Variants in FAXC observed in about 807,000 individuals in gnomAD.
FAXC encodes the protein failed axon connections homolog.
In FAXC, 10 loss-of-function variants were observed where a neutral mutation model predicts 41.9. That is an observed-to-expected ratio of 0.24 (90% CI 0.15 to 0.41). FAXC has a LOEUF of 0.41. Ranked by LOEUF, FAXC falls within the 10% of genes least tolerant of loss-of-function variation. FAXC has a pLI of 1.00. For missense variants in FAXC, 399 were observed against 510.9 expected (o/e 0.78, Z 2.11); for synonymous variants, 183 against 183.8 (o/e 1.00, Z 0.03).
At chr6:99,316,575 A>G (rs984442566) in intron 4 of FAXC, among the ~76,000 whole-genome samples, 1 of 152,086 alleles carries the variant, frequency 6.6e-6, no homozygotes, top group Non-Finnish European at 1.5e-5. Context: ...CCCTCAACAC[A>G]TGCCTGTCTC....
chr6:99,283,915 T>A (rs1488430897), intron 5 of FAXC, among the ~76,000 whole-genome samples: 1 of 152,244 alleles, frequency 6.6e-6, no homozygotes, highest in Admixed American at 6.5e-5. Flanking sequence ...ACAGGATCTA[T>A]GAATATCACT....
chr6:99,340,227 G>T (rs1773371453), intron 2 of FAXC, among the ~76,000 whole-genome samples: 2 of 151,956 alleles, frequency 1.3e-5, no homozygotes, highest in African/African-American at 4.8e-5. Flanking sequence ...AGCCTCCCGA[G>T]TAGCTGGGAT....
rs568572044 is a variant in FAXC at position 99,309,308 on chromosome 6, T to C, written c.823+14136A>G. Among the ~76,000 whole-genome samples, 8 of 152,142 alleles carry C rather than the reference T, an allele frequency of 5.3e-5. No homozygotes were observed. In the East Asian group the frequency reaches 1.4e-3, roughly 26 times the overall value. ...TTCTCAGAGGAAGAAAAAGCTAAAATATACCCAGGATAAAGACCCAGAAAT... is the reference window on the plus strand; with the variant it reads ...TTCTCAGAGGAAGAAAAAGCTAAAACATACCCAGGATAAAGACCCAGAAAT... On this transcript the variant is annotated intron_variant, in intron 4 of 5. Transcript: ENST00000389677.
Position 99,272,029 on chromosome 6 carries a change from A to C in FAXC, c.*9135T>G, listed in dbSNP as rs915734020. 6.6e-6 allele frequency: 1 copy of C among 152,138 alleles called. No homozygotes were observed. Among genetic ancestry groups the C allele is most frequent in the African/African-American group, 2.4e-5 (1 of 41,416 alleles). The allele number at this position is 152,138 out of a possible 1,614,324, so 9.4% of individuals were successfully genotyped here. On this transcript the variant is annotated 3_prime_UTR_variant, in exon 6 of 6. Transcript: ENST00000389677. ...GTGAATCTCTGACCCTAAAGACTTG[A>C]GCATATCATGGCCATATTACCATAT... is the stretch of plus-strand genomic sequence containing the variant.
intron 3 of FAXC, among the ~76,000 whole-genome samples, chr6:99,330,645 T>G (rs561392474): frequency 1.3e-5 from 2 of 152,326 alleles, no homozygotes; most frequent in South Asian, 4.1e-4. Context: ...CATAAACATA[T>G]GAAAACTCCA....
At chr6:99,303,956 T>C (rs1444402879) in intron 4 of FAXC, among the ~76,000 whole-genome samples, 2 of 152,198 alleles carry the variant, frequency 1.3e-5, no homozygotes, top group Non-Finnish European at 2.9e-5. Flanking sequence ...TGAGCTTTTA[T>C]TAAGAAAGGT....
At chr6:99,286,945 C>A (rs534129491) in intron 5 of FAXC, among the ~76,000 whole-genome samples, 1 of 152,238 alleles carries the variant, frequency 6.6e-6, no homozygotes, top group Non-Finnish European at 1.5e-5. Context: ...TTCTAGAAAG[C>A]AATTTAGCCA....
Position 99,291,043 on chromosome 6 carries a change from T to C in FAXC, c.940+661A>G, listed in dbSNP as rs143661282. On this transcript the variant is annotated intron_variant, in intron 5 of 5. Transcript: ENST00000389677. ...GCCAGGCTGGTCTCGAACTCCTGAC[T>C]TTGTGATCCACCCGCCTTGGCCTCC... is the stretch of plus-strand genomic sequence containing the variant. Among the ~76,000 whole-genome samples, 75 of 152,154 alleles carry C rather than the reference T, an allele frequency of 4.9e-4. No homozygotes were observed. The East Asian group carries it at 0.013, about 27-fold the overall frequency.
chr6:99,336,752 G>A (rs563476050), intron 2 of FAXC, among the ~76,000 whole-genome samples: 3 of 152,198 alleles, frequency 2.0e-5, no homozygotes, highest in African/African-American at 7.2e-5. Flanking sequence ...TGTAGAGTGG[G>A]GATAATAACA....
rs73497700 is a variant in FAXC, at chr6:99,339,636, A to G, written c.402+3262T>C. The stretch of plus-strand genomic sequence containing the variant: ...ATACAAACTGAAAGAAAACATTAAG[A>G]AGAAAAATACAAAAGTTGGAATAAG... On this transcript the variant is annotated intron_variant, in intron 2 of 5. Transcript: ENST00000389677. 8.0e-3 allele frequency among the ~76,000 whole-genome samples: 1,211 copies of G among 152,316 alleles called. 17 individuals carry two copies. Among genetic ancestry groups the G allele is most frequent in the African/African-American group, 0.027 (1,113 of 41,556 alleles).
chr6:99,348,146 T>C (rs1173003133), intron 1 of FAXC, among the ~76,000 whole-genome samples: 1 of 152,182 alleles, frequency 6.6e-6, no homozygotes, highest in Non-Finnish European at 1.5e-5. Flanking sequence ...ATTCCTCCAC[T>C]GGAATAAGGC....
intron 2 of FAXC, among the ~76,000 whole-genome samples, chr6:99,336,304 C>T (rs538362004): frequency 6.6e-6 from 1 of 152,102 alleles, no homozygotes; most frequent in South Asian, 2.1e-4. Flanking sequence ...AAAATTGAGA[C>T]AGGGTCTCGC....
intron 4 of FAXC, among the ~76,000 whole-genome samples, chr6:99,301,161 G>A (rs757149158): frequency 6.6e-6 from 1 of 152,216 alleles, no homozygotes; most frequent in Non-Finnish European, 1.5e-5. Context: ...CAACTCTCTA[G>A]GCACGGATCC....
At chr6:99,314,868 TC>T (rs1430328913) in intron 4 of FAXC, among the ~76,000 whole-genome samples, 1 of 152,120 alleles carries the variant, frequency 6.6e-6, no homozygotes, top group Non-Finnish European at 1.5e-5. Flanking sequence ...CTACTCACTG[TC>T]CCACCCTTGT....
intron 5 of FAXC, among the ~76,000 whole-genome samples, chr6:99,283,344 T>C (rs1037022595): frequency 6.6e-6 from 1 of 152,258 alleles, no homozygotes; most frequent in African/African-American, 2.4e-5. Context: ...TATTATTACA[T>C]ATTATCTCCT....
At chr6:99,342,846 T>C in intron 2 of FAXC, 52 bp downstream of exon 2, 2 of 1,528,994 alleles carry the variant, frequency 1.3e-6, no homozygotes, top group Non-Finnish European at 1.8e-6. Context: ...AGTTAAATAC[T>C]CATCCCCTGA....
intron 4 of FAXC, among the ~76,000 whole-genome samples, chr6:99,312,928 A>G (rs1375585522): frequency 6.6e-6 from 1 of 152,196 alleles, no homozygotes; most frequent in African/African-American, 2.4e-5. Flanking sequence ...TAAAAAACAA[A>G]ACAAAAACAA....
At chr6:99,319,164 G>A (rs567663982) in intron 4 of FAXC, among the ~76,000 whole-genome samples, 13 of 152,210 alleles carry the variant, frequency 8.5e-5, no homozygotes, top group African/African-American at 2.4e-4. Flanking sequence ...TTGGGAGGCC[G>A]AGGCAGGCGG....
chr6:99,274,409 CAT>C lies in FAXC; in HGVS notation c.*6753_*6754del, dbSNP rs1483159645. The C allele has an allele frequency of 6.6e-6, 1 of 152,100 alleles. No individual in the cohort carries two copies. Among genetic ancestry groups the C allele is most frequent in the Non-Finnish European group, 1.5e-5 (1 of 68,018 alleles). 9.4% of individuals were successfully genotyped at this position (152,100 alleles called of 1,614,324 possible). On this transcript the variant is annotated 3_prime_UTR_variant, in exon 6 of 6. Coordinates refer to ENST00000389677, the MANE Select transcript of FAXC (RefSeq NM_032511.4). ...ATACATCTCTACCACAGCCATACCACATGGTTGCTTGAAATTTTGACATTTGT... is the reference window on the plus strand; with the variant it reads ...ATACATCTCTACCACAGCCATACCACGGTTGCTTGAAATTTTGACATTTGT...
Sources: allele counts gnomAD v4.1 joint callset (sites outside exome capture counted in the v4.1 genomes callset), GRCh38; gene constraint gnomAD v4.1.1; transcripts MANE v1.5; gene names NCBI Gene and HGNC (gene_info 2026-07-23, HGNC 2026-07-21).